AASS: variants seen among roughly 807,000 people sequenced by gnomAD.
AASS encodes aminoadipate-semialdehyde synthase.
AASS carries 86 observed loss-of-function variants against 105.4 expected under a neutral mutation model. The ratio of observed to expected loss-of-function variants is 0.82; its 90% CI spans 0.69 to 0.98. The LOEUF (loss-of-function observed/expected upper bound fraction) is 0.98. Among genes scored for constraint, AASS ranks in the 50% least tolerant of loss-of-function variants. The probability of loss-of-function intolerance (pLI) is 0.00; values close to 1 mark genes in which losing one functional copy is unlikely to be tolerated. For synonymous variants in AASS, 381 were observed against 394.8 expected (o/e 0.96, Z 0.41); for missense variants, 1,048 against 1,143.2 (o/e 0.92, Z 1.20).
chr7:122,092,770 T>A (rs1284512707), intron 17 of AASS, 73 bp downstream of exon 17: 10 of 1,244,746 alleles, frequency 8.0e-6, no homozygotes, highest in Admixed American at 1.7e-5. Context: ...TGCTATATTA[T>A]AACTCATACT....
At chr7:122,110,130 A>T (rs1794864282) in intron 11 of AASS, among the ~76,000 whole-genome samples, 3 of 152,022 alleles carry the variant, frequency 2.0e-5, no homozygotes, top group Non-Finnish European at 1.5e-5. Context: ...TAAAGAATAT[A>T]GTATAGGTAA....
chr7:122,119,918 GC>G (rs1193808261), intron 4 of AASS, among the ~76,000 whole-genome samples: 1 of 152,150 alleles, frequency 6.6e-6, no homozygotes, highest in Non-Finnish European at 1.5e-5. Flanking sequence ...TGTGACACCT[GC>G]CTGTATGAAA....
intron 8 of AASS, among the ~76,000 whole-genome samples, chr7:122,115,616 T>C (rs1795128448): frequency 6.6e-6 from 1 of 152,126 alleles, no homozygotes; most frequent in Admixed American, 6.5e-5. Flanking sequence ...TTTTTCTTAC[T>C]TGCCAGATGG....
At chr7:122,102,673 G>A (rs1426603988) in intron 11 of AASS, among the ~76,000 whole-genome samples, 6 of 152,020 alleles carry the variant, frequency 3.9e-5, no homozygotes, top group African/African-American at 1.4e-4. Flanking sequence ...CCAAAGGACT[G>A]AAACCTAGAT....
Position 122,129,409 on chromosome 7 carries a change from T to C in AASS, c.339A>G (p.Ile113Met). The change falls in exon 3 of 24, where the codon ATA (isoleucine) becomes ATG (methionine). Residue 113 changes from isoleucine to methionine, a missense_variant. Transcript: ENST00000417368. ...AGCCCATATTGGCCTCCTGAGCTTT[T>C]ATTGTGTGGGAGAAAAATGCATAAG... ...RKTYAFFSHTIKAQEANMGLL... is the reference protein window; with the variant it reads ...RKTYAFFSHTMKAQEANMGLL... 1 of 1,613,114 alleles carries C rather than the reference T, an allele frequency of 6.2e-7. No homozygotes were observed. Among genetic ancestry groups the C allele is most frequent in the Non-Finnish European group, 8.5e-7 (1 of 1,179,388 alleles).
chr7:122,118,165 T>C, intron 6 of AASS, 142 bp downstream of exon 6: 1 of 867,560 alleles, frequency 1.2e-6, no homozygotes, highest in Non-Finnish European at 1.8e-6. Context: ...CTTTTCACTA[T>C]GAGAAAAATA....
intron 9 of AASS, 47 bp from the exon 10 acceptor site, chr7:122,113,767 C>A (rs772166857): frequency 3.7e-6 from 6 of 1,603,450 alleles, no homozygotes; most frequent in Non-Finnish European, 5.1e-6. Flanking sequence ...ATTCTGAAGT[C>A]TCCAACAAGA....
rs1035278786 is a variant in AASS, at chr7:122,116,630, C to T, written c.894+3G>A. On this transcript the variant is annotated splice_donor_region_variant and intron_variant, in intron 8 of 23. Coordinates refer to ENST00000417368, the MANE Select transcript of AASS (RefSeq NM_005763.4). ...CAACTTAAAAGGTGAATATGATACT[C>T]ACATCAGTATTAAAACGACTTATGT... 1.2e-6 allele frequency: 2 copies of T among 1,613,850 alleles called. No individual in the cohort carries two copies. The highest frequency in any genetic ancestry group is 2.7e-5 in the African/African-American group (2 of 74,888).
intron 8 of AASS, among the ~76,000 whole-genome samples, chr7:122,115,882 A>T (rs1795145505): frequency 1.3e-5 from 2 of 152,196 alleles, no homozygotes; most frequent in African/African-American, 4.8e-5. Context: ...GCTGAAGGTA[A>T]GAATTCTTTT....
chr7:122,133,472 T>A, intron 2 of AASS, 45 bp downstream of exon 2: 2 of 1,592,924 alleles, frequency 1.3e-6, no homozygotes, highest in Non-Finnish European at 8.6e-7. Context: ...AATTTTCATA[T>A]GCAGGTTCAT....
At position 122,116,671 on chromosome 7, in the gene AASS, T is replaced by C. The variant is rs200551668; in HGVS notation, c.856A>G (p.Lys286Glu). 1 of 1,614,038 alleles carries C rather than the reference T, an allele frequency of 6.2e-7. No homozygotes were observed. The highest frequency in any genetic ancestry group is 1.3e-5 in the African/African-American group (1 of 74,932). ...CGACTTATGTAGCGCTCCGGATGTT[T>C]GTCATACTCTGCAGGATCATACACA... Reference protein sequence around the residue: ...DAVYDPAEYDKHPERYISRFN... With the variant: ...DAVYDPAEYDEHPERYISRFN... The change falls in exon 8 of 24, where the codon AAA becomes GAA. Residue 286 changes from lysine to glutamate, a missense_variant. Lys to Glu is a moderately conservative substitution (Grantham distance 56, BLOSUM62 1). Coordinates refer to ENST00000417368, the MANE Select transcript of AASS (RefSeq NM_005763.4).
chr7:122,100,920 A>G (rs932544011), intron 13 of AASS, among the ~76,000 whole-genome samples: 2 of 151,820 alleles, frequency 1.3e-5, no homozygotes, highest in Non-Finnish European at 2.9e-5. Context: ...CAACTCTCTT[A>G]ATTTGTAACC....
chr7:122,113,002 T>C, intron 11 of AASS, 116 bp downstream of exon 11: 1 of 827,816 alleles, frequency 1.2e-6, no homozygotes, highest in African/African-American at 1.7e-5. Context: ...AGGGAAGGGC[T>C]GGCATTTCAT....
At chr7:122,140,485 C>CAAAAAAAAAAAAAAAAAAAAAAAAA (rs57828681) in intron 1 of AASS, among the ~76,000 whole-genome samples, 20 of 37,326 alleles carry the variant, frequency 5.4e-4, no homozygotes, top group African/African-American at 7.6e-4. Context: ...GACTCAGTCT[C>CAAAAAAAAAAAAAAAAAAAAAAAAA]AAAAAAAAAA....
intron 1 of AASS, among the ~76,000 whole-genome samples, chr7:122,136,125 C>T (rs1796129653): frequency 6.6e-6 from 1 of 152,144 alleles, no homozygotes; most frequent in African/African-American, 2.4e-5. Context: ...TCACCGCTAA[C>T]AACATATAGA....
At chr7:122,083,165 T>A (rs1031008790) in intron 19 of AASS, among the ~76,000 whole-genome samples, 1 of 152,098 alleles carries the variant, frequency 6.6e-6, no homozygotes, top group African/African-American at 2.4e-5. Flanking sequence ...CAACTAGCAA[T>A]TTTCCCATTT....
intron 1 of AASS, among the ~76,000 whole-genome samples, chr7:122,143,927 A>G (rs1584915379): frequency 6.6e-6 from 1 of 151,756 alleles, no homozygotes; most frequent in South Asian, 2.1e-4. Flanking sequence ...TCGCAGTGAA[A>G]CTCTCTGCGT....
intron 1 of AASS, among the ~76,000 whole-genome samples, chr7:122,136,945 T>C (rs1484125422): frequency 1.3e-5 from 2 of 152,176 alleles, no homozygotes; most frequent in African/African-American, 4.8e-5. Flanking sequence ...GACAGTCACT[T>C]GTAACATACA....
intron 6 of AASS, among the ~76,000 whole-genome samples, chr7:122,117,503 C>CA (rs1267504329): frequency 3.3e-5 from 5 of 152,024 alleles, no homozygotes; most frequent in African/African-American, 1.2e-4. Context: ...TGCAAAACTC[C>CA]AAGTAGTCTT....
Sources: gnomAD v4.1 joint callset for allele counts (sites outside exome capture counted in the v4.1 genomes callset) on GRCh38, gnomAD v4.1.1 for gene constraint, MANE v1.5 for transcripts, NCBI Gene and HGNC (gene_info 2026-07-23, HGNC 2026-07-21) for gene names.